SLFN12L: variants seen among roughly 807,000 people sequenced by gnomAD.
The protein encoded by SLFN12L is schlafen family member 12 like.
In SLFN12L, 34 loss-of-function variants were observed where a neutral mutation model predicts 34.8. That is an observed-to-expected ratio of 0.98 (90% CI 0.74 to 1.30). The LOEUF (loss-of-function observed/expected upper bound fraction) is 1.30. Ranked by LOEUF, SLFN12L falls within the 50% of genes most tolerant of loss-of-function variation. SLFN12L has a pLI of 0.00. For synonymous variants in SLFN12L, 259 were observed against 247.5 expected, an observed-to-expected ratio of 1.05 and a Z score of -0.44; for missense variants, 703 against 696.2, an observed-to-expected ratio of 1.01 and a Z score of -0.11.
chr17:35,529,084 A>T (rs923267525), intron 1 of SLFN12L, among the ~76,000 whole-genome samples: 1 of 152,256 alleles, frequency 6.6e-6, no homozygotes, highest in Non-Finnish European at 1.5e-5. Flanking sequence ...CCCAACAAAC[A>T]TATGAAAAAA....
At chr17:35,518,461 G>A (rs1915901685) in intron 2 of SLFN12L, among the ~76,000 whole-genome samples, 2 of 151,096 alleles carry the variant, frequency 1.3e-5, no homozygotes, top group Non-Finnish European at 2.9e-5. Flanking sequence ...TGAGGGAGGA[G>A]AATTGCTTGA....
At chr17:35,502,430 A>AAAAC (rs1567671481) in intron 2 of SLFN12L, among the ~76,000 whole-genome samples, 37 of 149,002 alleles carry the variant, frequency 2.5e-4, no homozygotes, top group African/African-American at 8.1e-4. Flanking sequence ...AAAAAAAAAA[A>AAAAC]AAAAAAAAAA....
Position 35,479,618 on chromosome 17 carries a change from A to G in SLFN12L, c.664T>C (p.Leu222=). The G allele has an allele frequency of 1.2e-6, 2 of 1,611,914 alleles. No homozygotes were observed. Among genetic ancestry groups the G allele is most frequent in the Non-Finnish European group, 1.7e-6 (2 of 1,178,936 alleles). The change falls in exon 3 of 5, where the codon TTG becomes CTG. Residue 222 remains leucine, a synonymous_variant. Coordinates refer to ENST00000628453, the MANE Select transcript of SLFN12L (RefSeq NM_001363830.2). ...DVQEESNMEA[L]AADFFNRTEL... ...GTTCTGTTAAAAAAATCAGCAGCCA[A>G]GGCTTCCATGTTACTTTCTTCTTGT...
intron 1 of SLFN12L, among the ~76,000 whole-genome samples, chr17:35,532,878 T>G (rs1353486593): frequency 6.6e-6 from 1 of 152,118 alleles, no homozygotes; most frequent in Non-Finnish European, 1.5e-5. Context: ...GGTGAGACCC[T>G]GTCTCAAAAA....
chr17:35,506,471 C>T (rs569392142), intron 2 of SLFN12L, among the ~76,000 whole-genome samples: 3 of 152,256 alleles, frequency 2.0e-5, no homozygotes, highest in South Asian at 2.1e-4. Context: ...CTAGTAATAA[C>T]CAATCCCCTT....
At chr17:35,489,941 C>A in intron 2 of SLFN12L, 1 of 1,312,388 alleles carries the variant, frequency 7.6e-7, no homozygotes, top group Non-Finnish European at 1.1e-6. Flanking sequence ...GGACAAAAAT[C>A]CCACAACCAG....
chr17:35,498,661 T>C, intron 2 of SLFN12L: 1 of 1,601,314 alleles, frequency 6.2e-7, no homozygotes, highest in African/African-American at 1.3e-5. Context: ...ATCCAGGACA[T>C]CCTATCTAAC....
At chr17:35,504,637 A>G (rs1319534524) in intron 2 of SLFN12L, among the ~76,000 whole-genome samples, 1 of 152,082 alleles carries the variant, frequency 6.6e-6, no homozygotes, top group Non-Finnish European at 1.5e-5. Context: ...GCCTGGAGTA[A>G]TCAGTCATGC....
Position 35,471,948 on chromosome 17 carries a change from T to A in SLFN12L, c.*2975A>T, listed in dbSNP as rs1032190281. On this transcript the variant is annotated 3_prime_UTR_variant, in exon 5 of 5. Coordinates refer to ENST00000628453, the MANE Select transcript of SLFN12L (RefSeq NM_001363830.2). ...TAAATTTGTTTAAGTTCCTTGTACA[T>A]TCTGGGTATTAGACCTTTGTCAGAT... Among the ~76,000 whole-genome samples the A allele has an allele frequency of 1.3e-5, 2 of 152,212 alleles. No homozygotes were observed. Among genetic ancestry groups the A allele is most frequent in the African/African-American group, 4.8e-5 (2 of 41,454 alleles).
chr17:35,494,601 T>C lies in SLFN12L; in HGVS notation c.87-14406A>G, dbSNP rs565266499. ...ACCCTGAAAAACAATAAATCTCTAA[T>C]ACGACAGCAATGTGCCAGGGCACAC... On this transcript the variant is annotated intron_variant, in intron 2 of 4. Transcript: ENST00000628453. 4.1e-4 allele frequency among the ~76,000 whole-genome samples: 62 copies of C among 152,276 alleles called. No individual in the cohort carries two copies. In the South Asian group the frequency reaches 0.012, roughly 30 times the overall value.
Position 35,530,426 on chromosome 17 carries a change from GAAGGGAAGGGAAGGGAAGAAAGAAA to G in SLFN12L, c.-606+7122_-606+7146del, listed in dbSNP as rs1300092114. On this transcript the variant is annotated intron_variant, in intron 1 of 4. Transcript: ENST00000628453. ...GGAAGGAAGGAAGGAAGGAAGGAAGGAAGGGAAGGGAAGGGAAGAAAGAAAGAAAGAAAGAAAGAAAGAAAGAAAG... is the reference window on the plus strand; with the variant it reads ...GGAAGGAAGGAAGGAAGGAAGGAAGGGAAAGAAAGAAAGAAAGAAAGAAAG... 1.1e-3 allele frequency among the ~76,000 whole-genome samples: 12 copies of G among 10,664 alleles called. 1 individual carries two copies. Among genetic ancestry groups the G allele is most frequent in the African/African-American group, 2.2e-3 (6 of 2,708 alleles). 7.0% of individuals were successfully genotyped at this position (10,664 alleles called of 152,430 possible). A position where few individuals can be genotyped will look rare whatever the true frequency, so the allele number is the denominator to read the frequency against.
At chr17:35,530,117 CTT>C (rs35836415) in intron 1 of SLFN12L, among the ~76,000 whole-genome samples, 24 of 109,458 alleles carry the variant, frequency 2.2e-4, no homozygotes, top group African/African-American at 6.2e-4. Flanking sequence ...ACTGCTTTGT[CTT>C]TTTTTTTTTT....
chr17:35,479,253 A>T lies in SLFN12L; in HGVS notation c.1029T>A (p.Tyr343Ter), dbSNP rs750148789. Residue 343 changes from tyrosine to a stop codon, truncating the protein, a stop_gained, in exon 3 of 5, where the codon TAT becomes TAA. Coordinates refer to ENST00000628453, the MANE Select transcript of SLFN12L (RefSeq NM_001363830.2). LOFTEE classifies it high-confidence loss of function. Reference protein sequence around the residue: ...GVYDKGRLCGYVYALRVERFC... With the variant: ...GVYDKGRLCG ...AGCGTTCCACTCTGAGTGCATACACATATCCACAAAGCCTTCCTTTATCAT... is the reference window on the plus strand; with the variant it reads ...AGCGTTCCACTCTGAGTGCATACACTTATCCACAAAGCCTTCCTTTATCAT... The T allele has an allele frequency of 3.1e-6, 5 of 1,593,410 alleles. No homozygotes were observed. The South Asian group carries it at 5.6e-5, about 18-fold the overall frequency.
chr17:35,484,986 C>T (rs1278846584), intron 2 of SLFN12L, among the ~76,000 whole-genome samples: 1 of 152,134 alleles, frequency 6.6e-6, no homozygotes, highest in African/African-American at 2.4e-5. Flanking sequence ...AGGAATTTGT[C>T]CATTTCATCT....
intron 2 of SLFN12L, among the ~76,000 whole-genome samples, chr17:35,515,628 C>A (rs968819818): frequency 8.0e-6 from 1 of 125,676 alleles, no homozygotes; most frequent in Non-Finnish European, 1.7e-5. Flanking sequence ...CCACCACGCC[C>A]GGCAATTTTT....
chr17:35,533,691 G>A (rs2072432056), intron 1 of SLFN12L, among the ~76,000 whole-genome samples: 1 of 152,182 alleles, frequency 6.6e-6, no homozygotes, highest in Non-Finnish European at 1.5e-5. Flanking sequence ...GAGCTGGAAG[G>A]ATAGAGGCAG....
At chr17:35,482,550 T>C (rs1268346683) in intron 2 of SLFN12L, among the ~76,000 whole-genome samples, 1 of 152,166 alleles carries the variant, frequency 6.6e-6, no homozygotes, top group Non-Finnish European at 1.5e-5. Flanking sequence ...CCCTGCCCCA[T>C]GCAGCTGCAG....
intron 2 of SLFN12L, among the ~76,000 whole-genome samples, chr17:35,488,529 T>C (rs924182964): frequency 2.6e-5 from 4 of 152,188 alleles, no homozygotes; most frequent in South Asian, 2.1e-4. Context: ...GCCCTTGTTA[T>C]GGTAATTACG....
chr17:35,503,205 G>T (rs72828012), intron 2 of SLFN12L, among the ~76,000 whole-genome samples: 220 of 152,254 alleles, frequency 1.4e-3, no homozygotes, highest in Non-Finnish European at 2.7e-3. Context: ...ATGTTTTAAA[G>T]GTTTAAGCAA....
Sources: gnomAD v4.1 joint callset for allele counts (sites outside exome capture counted in the v4.1 genomes callset) on GRCh38, gnomAD v4.1.1 for gene constraint, MANE v1.5 for transcripts, NCBI Gene and HGNC (gene_info 2026-07-23, HGNC 2026-07-21) for gene names.